Variants in GNB1L observed in about 807,000 individuals in gnomAD.
GNB1L encodes the protein G protein subunit beta 1 like, also known as guanine nucleotide-binding protein subunit beta-like protein 1.
In GNB1L, 20 loss-of-function variants were observed where a neutral mutation model predicts 29.1. The observed-to-expected ratio is 0.69, with a 90% CI of 0.48 to 1.00. The LOEUF is 1.00. Ranked by LOEUF, GNB1L falls within the 50% of genes least tolerant of loss-of-function variation. The pLI is 0.00. For missense variants in GNB1L, 421 were observed against 464.9 expected (o/e 0.91, Z 0.87); for synonymous variants, 193 against 206.5 (o/e 0.93, Z 0.56).
intron 2 of GNB1L, among the ~76,000 whole-genome samples, chr22:19,828,229 A>G (rs543903218): frequency 1.3e-5 from 2 of 152,254 alleles, no homozygotes; most frequent in Non-Finnish European, 2.9e-5. Flanking sequence ...AAAAAGGTAT[A>G]TGGGGCAAAC....
intron 7 of GNB1L, among the ~76,000 whole-genome samples, chr22:19,800,247 G>A (rs535242008): frequency 6.6e-6 from 1 of 152,336 alleles, no homozygotes; most frequent in Admixed American, 6.5e-5. Context: ...AACACACCAG[G>A]AGAGACGAGG....
chr22:19,821,418 C>A, intron 2 of GNB1L, 43 bp from the exon 3 acceptor site: 1 of 1,580,034 alleles, frequency 6.3e-7, no homozygotes, highest in Middle Eastern at 1.7e-4. Flanking sequence ...CGTCCCTATT[C>A]TCACCCTCTA....
At chr22:19,795,354 C>A (rs1396593283) in intron 7 of GNB1L, among the ~76,000 whole-genome samples, 9 of 151,370 alleles carry the variant, frequency 5.9e-5, no homozygotes, top group African/African-American at 1.9e-4. Flanking sequence ...AAAAAAAAAA[C>A]AAAACTAGAC....
chr22:19,792,645 G>C, intron 7 of GNB1L: 2 of 1,567,198 alleles, frequency 1.3e-6, no homozygotes, highest in South Asian at 2.2e-5. Flanking sequence ...GTTGGCCTGG[G>C]CTGAGAAGAA....
At chr22:19,852,896 G>C (rs1938143447) in intron 2 of GNB1L, among the ~76,000 whole-genome samples, 1 of 152,162 alleles carries the variant, frequency 6.6e-6, no homozygotes, top group Non-Finnish European at 1.5e-5. Flanking sequence ...AGCAAAAACT[G>C]GCTGGAGAGA....
chr22:19,806,167 T>A (rs928690409), intron 6 of GNB1L, among the ~76,000 whole-genome samples: 8 of 152,206 alleles, frequency 5.3e-5, no homozygotes, highest in Non-Finnish European at 1.2e-4. Context: ...GATCAGAAAT[T>A]CCAAATGTGG....
At position 19,806,620 on chromosome 22, in the gene GNB1L, G is replaced by A. The variant is rs745393934; in HGVS notation, c.516+39C>T. ...TGGAGCATGACTCATGGCCGTGGGTGTGGCCGGCAGGGCGTGGCTGGTGCA... is the reference window on the plus strand; with the variant it reads ...TGGAGCATGACTCATGGCCGTGGGTATGGCCGGCAGGGCGTGGCTGGTGCA... On this transcript the variant is annotated intron_variant, in intron 6 of 7. Coordinates refer to ENST00000329517, the MANE Select transcript of GNB1L (RefSeq NM_053004.3). 4 of 1,284,710 alleles carry A rather than the reference G, an allele frequency of 3.1e-6. No homozygotes were observed. In the Admixed American group the frequency reaches 5.2e-5, roughly 17 times the overall value. The allele number at this position is 1,284,710 out of a possible 1,614,324, so 79.6% of individuals were successfully genotyped here.
rs548479480 is a variant in GNB1L, at chr22:19,804,561, T to A, written c.516+2098A>T. 3.9e-3 allele frequency among the ~76,000 whole-genome samples: 599 copies of A among 152,044 alleles called. 3 individuals are homozygous for A. The highest frequency in any genetic ancestry group is 0.014 in the African/African-American group (562 of 41,506). On this transcript the variant is annotated intron_variant, in intron 6 of 7. Transcript: ENST00000329517. ...ATACTAAAAATTAAAAATTAAAAAATTTTTTAAATAAATAAAAATGTGATT... is the reference window on the plus strand; with the variant it reads ...ATACTAAAAATTAAAAATTAAAAAAATTTTTAAATAAATAAAAATGTGATT...
chr22:19,846,934 G>A (rs888842428), intron 2 of GNB1L: 1 of 985,458 alleles, frequency 1.0e-6, no homozygotes, highest in Non-Finnish European at 1.2e-6. Context: ...GTTGCCCTGG[G>A]ATGGATGCAG....
chr22:19,820,136 AG>A (rs1937566570), intron 4 of GNB1L, among the ~76,000 whole-genome samples: 1 of 152,124 alleles, frequency 6.6e-6, no homozygotes, highest in South Asian at 2.1e-4. Context: ...CGGCCCAGGC[AG>A]GATGGGCAGT....
rs139290798 is a variant in GNB1L, at chr22:19,795,983, G to A, written c.732+6018C>T. Among the ~76,000 whole-genome samples, 372 of 151,614 alleles carry A rather than the reference G, an allele frequency of 2.5e-3. 2 individuals carry two copies. Among genetic ancestry groups the A allele is most frequent in the African/African-American group, 8.7e-3 (357 of 40,878 alleles). On this transcript the variant is annotated intron_variant, in intron 7 of 7. Coordinates refer to ENST00000329517, the MANE Select transcript of GNB1L (RefSeq NM_053004.3). ...CCAGGGCAACGCTCACACACGACAT[G>A]CAATCATCGATGTGAGAACTGGCTC...
chr22:19,790,577 A>G (rs1368524979), intron 7 of GNB1L, among the ~76,000 whole-genome samples: 1 of 152,174 alleles, frequency 6.6e-6, no homozygotes, highest in Non-Finnish European at 1.5e-5. Flanking sequence ...CTTGGGAGGC[A>G]AAGACAGGAG....
intron 2 of GNB1L, chr22:19,846,787 C>T (rs576724385): frequency 9.4e-5 from 42 of 448,908 alleles, no homozygotes; most frequent in Middle Eastern, 1.2e-3. Flanking sequence ...GGCCAAGGAG[C>T]GAGGCCTCAG....
intron 2 of GNB1L, chr22:19,852,193 G>A (rs376068168): frequency 6.4e-5 from 103 of 1,613,788 alleles, no homozygotes; most frequent in Middle Eastern, 1.6e-4. Flanking sequence ...ATGGATGTGC[G>A]TTGGCATAAT....
chr22:19,848,234 GGAAGT>G lies in GNB1L; in HGVS notation c.-21+6204_-21+6208del, dbSNP rs534162270. 81 of 985,360 alleles carry G rather than the reference GGAAGT, an allele frequency of 8.2e-5. No homozygotes were observed. The African/African-American group carries it at 1.2e-3, about 14-fold the overall frequency. 61.0% of individuals were successfully genotyped at this position (985,360 alleles called of 1,614,324 possible). A position where few individuals can be genotyped will look rare whatever the true frequency, so the allele number is the denominator to read the frequency against. On this transcript the variant is annotated intron_variant, in intron 2 of 7. Transcript: ENST00000329517. ...AATAAAATCTCTGGGTATTTCCAAG[GGAAGT>G]GAAGGACTGACACCATGATTAGAAA... is the stretch of plus-strand genomic sequence containing the variant.
Position 19,847,932 on chromosome 22 carries a change from T to G in GNB1L, c.-21+6511A>C, listed in dbSNP as rs1049764670. 1.3e-5 allele frequency: 13 copies of G among 985,056 alleles called. No homozygotes were observed. The Middle Eastern group carries it at 1.5e-3, about 117-fold the overall frequency. The allele number at this position is 985,056 out of a possible 1,614,324, so 61.0% of individuals were successfully genotyped here. ...AGGCACATACATGGCTTTACTATTT[T>G]CCAGAGGGCCAACTGCTTTTACTGA... is the stretch of plus-strand genomic sequence containing the variant. On this transcript the variant is annotated intron_variant, in intron 2 of 7. Transcript: ENST00000329517.
chr22:19,844,119 GTGCCTACA>G lies in GNB1L; in HGVS notation c.-21+10316_-21+10323del, dbSNP rs540901308. 2.4e-4 allele frequency among the ~76,000 whole-genome samples: 37 copies of G among 152,300 alleles called. No individual in the cohort carries two copies. The South Asian group carries it at 7.7e-3, about 32-fold the overall frequency. On this transcript the variant is annotated intron_variant, in intron 2 of 7. Coordinates refer to ENST00000329517, the MANE Select transcript of GNB1L (RefSeq NM_053004.3). ...AGTGAGCCAGGTGGGGCCCAGCACG[GTGCCTACA>G]TGCTGAACCCCACCAGGTCTGTGCC...
intron 7 of GNB1L, among the ~76,000 whole-genome samples, chr22:19,799,658 G>T (rs935593352): frequency 6.6e-6 from 1 of 152,238 alleles, no homozygotes; most frequent in African/African-American, 2.4e-5. Flanking sequence ...TCGGCAGGAG[G>T]GTGTGAGGGG....
At position 19,786,255 on chromosome 22, in the gene GNB1L, T is replaced by A. The variant is rs1034826105; in HGVS notation, c.*2454A>T. On this transcript the variant is annotated 3_prime_UTR_variant, in exon 8 of 8. Transcript: ENST00000329517. ...CCGACTCCATCCCTGCACACTGAGATTCAGAACAAGATGTGCCTGGACACT... is the reference window on the plus strand; with the variant it reads ...CCGACTCCATCCCTGCACACTGAGAATCAGAACAAGATGTGCCTGGACACT... 1 of 152,250 alleles carries A rather than the reference T, an allele frequency of 6.6e-6. No individual in the cohort carries two copies. Among genetic ancestry groups the A allele is most frequent in the African/African-American group, 2.4e-5 (1 of 41,434 alleles). The allele number at this position is 152,250 out of a possible 1,614,324, so 9.4% of individuals were successfully genotyped here.
Sources: allele counts gnomAD v4.1 joint callset (sites outside exome capture counted in the v4.1 genomes callset), GRCh38; gene constraint gnomAD v4.1.1; transcripts MANE v1.5; gene names NCBI Gene and HGNC (gene_info 2026-07-23, HGNC 2026-07-21).